The following SYNPO variants were observed in gnomAD, a reference collection of about 807,000 sequenced individuals.
SYNPO encodes the protein synaptopodin.
A neutral mutation model predicts 49.5 loss-of-function variants in SYNPO; 19 were observed. That is an observed-to-expected ratio of 0.38 (90% CI 0.27 to 0.56). The LOEUF is 0.56. Ranked by LOEUF, SYNPO falls within the 20% of genes least tolerant of loss-of-function variation. SYNPO has a pLI of 0.68. For synonymous variants in SYNPO, 536 were observed against 548.0 expected (o/e 0.98, Z 0.31); for missense variants, 1,131 against 1,248.3 (o/e 0.91, Z 1.42).
chr5:150,595,873 C>T, the SYNPO span, among the ~76,000 whole-genome samples: 1 of 151,382 alleles, frequency 6.6e-6, no homozygotes, highest in Non-Finnish European at 1.5e-5. Flanking sequence ...TGGCTGGCCC[C>T]TTCCTGCCTT....
At chr5:150,625,342 T>C (rs1372868300) in intron 2 of SYNPO, among the ~76,000 whole-genome samples, 4 of 152,252 alleles carry the variant, frequency 2.6e-5, no homozygotes, top group South Asian at 2.1e-4. Context: ...CTGCCCAGAA[T>C]TGACCAACAT....
intron 2 of SYNPO, among the ~76,000 whole-genome samples, chr5:150,630,791 T>C (rs1432538631): frequency 6.6e-6 from 1 of 152,208 alleles, no homozygotes; most frequent in Non-Finnish European, 1.5e-5. Context: ...AGCTCAGCTG[T>C]GGACTTTAAG....
intron 2 of SYNPO, among the ~76,000 whole-genome samples, chr5:150,626,116 G>A (rs1469218044): frequency 2.1e-5 from 3 of 144,910 alleles, no homozygotes; most frequent in Non-Finnish European, 2.9e-5. Context: ...GGGGCAAGGG[G>A]TTGGAAGCCT....
At chr5:150,596,538 C>T (rs772180627), upstream of SYNPO, among the ~76,000 whole-genome samples, 4 of 152,106 alleles carry the variant, frequency 2.6e-5, no homozygotes, top group Non-Finnish European at 5.9e-5. Flanking sequence ...AAGTCCACCC[C>T]GCCCTCCACA....
chr5:150,587,530 T>A, the SYNPO span, among the ~76,000 whole-genome samples: 1 of 152,084 alleles, frequency 6.6e-6, no homozygotes, highest in Non-Finnish European at 1.5e-5. Context: ...GATGGATGGA[T>A]GGATGTCTGG....
chr5:150,632,320 A>G (rs898490107), intron 2 of SYNPO, among the ~76,000 whole-genome samples: 6 of 152,160 alleles, frequency 3.9e-5, no homozygotes, highest in Non-Finnish European at 7.3e-5. Context: ...AGTAATTTCC[A>G]TGTACTTTAA....
intron 2 of SYNPO, chr5:150,651,023 T>C: frequency 8.2e-7 from 1 of 1,218,082 alleles, no homozygotes; most frequent in Non-Finnish European, 1.0e-6. Context: ...CCTGGCTCTG[T>C]TTTAGGGAGA....
At chr5:150,651,575 G>T in intron 2 of SYNPO, 4 of 1,003,010 alleles carry the variant, frequency 4.0e-6, no homozygotes, top group Non-Finnish European at 4.8e-6. Flanking sequence ...GCTGCAGGAG[G>T]CCAAGGGATG....
At chr5:150,603,479 C>T (rs928025766) in intron 1 of SYNPO, among the ~76,000 whole-genome samples, 2 of 152,256 alleles carry the variant, frequency 1.3e-5, no homozygotes, top group African/African-American at 4.8e-5. Context: ...GCTAGATTTG[C>T]TGTTGCCGTT....
At chr5:150,591,475 C>G in the SYNPO span, among the ~76,000 whole-genome samples, 1,192 of 152,270 alleles carry the variant, frequency 7.8e-3, 7 homozygotes, top group Non-Finnish European at 0.011. Context: ...AGGAAGGGAC[C>G]CTGGAGTTCA....
At chr5:150,643,545 T>C (rs1464060952) in intron 1 of SYNPO, among the ~76,000 whole-genome samples, 2 of 152,124 alleles carry the variant, frequency 1.3e-5, no homozygotes, top group African/African-American at 2.4e-5. Context: ...CTTTTTGTTG[T>C]TGTTGTTGAG....
At chr5:150,592,368 G>A in the SYNPO span, among the ~76,000 whole-genome samples, 12 of 151,966 alleles carry the variant, frequency 7.9e-5, no homozygotes, top group Non-Finnish European at 1.5e-4. Context: ...GCTGAATCTG[G>A]CAACCCCACC....
At chr5:150,602,114 C>A (rs188684770) in intron 1 of SYNPO, among the ~76,000 whole-genome samples, 5 of 152,266 alleles carry the variant, frequency 3.3e-5, no homozygotes, top group Admixed American at 2.0e-4. Flanking sequence ...AGCCTTGGTG[C>A]GAGGCTGGAG....
chr5:150,637,601 G>A (rs1269755938), upstream of SYNPO, among the ~76,000 whole-genome samples: 1 of 152,224 alleles, frequency 6.6e-6, no homozygotes, highest in African/African-American at 2.4e-5. Context: ...GCAGGGGTTG[G>A]GGGCAGGTTT....
At chr5:150,600,303 T>G (rs1007172219), upstream of SYNPO, among the ~76,000 whole-genome samples, 1 of 152,230 alleles carries the variant, frequency 6.6e-6, no homozygotes, top group Non-Finnish European at 1.5e-5. Flanking sequence ...TGCCCAGAGT[T>G]GGAGGGGATG....
chr5:150,622,635 A>G (rs1342381143), intron 2 of SYNPO, among the ~76,000 whole-genome samples: 1 of 152,150 alleles, frequency 6.6e-6, no homozygotes, highest in Non-Finnish European at 1.5e-5. Flanking sequence ...GCCACTGGAC[A>G]TGTCTGTTTT....
chr5:150,588,615 G>T, the SYNPO span, among the ~76,000 whole-genome samples: 1 of 152,180 alleles, frequency 6.6e-6, no homozygotes, highest in Non-Finnish European at 1.5e-5. Context: ...CTAGGAGAGT[G>T]GGGGAGAAAA....
At chr5:150,630,785 C>CA (rs1257440298) in intron 2 of SYNPO, among the ~76,000 whole-genome samples, 1 of 152,206 alleles carries the variant, frequency 6.6e-6, no homozygotes, top group Non-Finnish European at 1.5e-5. Context: ...GCCTGAAGCT[C>CA]AGCTGTGGAC....
At chr5:150,593,780 A>G in the SYNPO span, among the ~76,000 whole-genome samples, 1 of 152,190 alleles carries the variant, frequency 6.6e-6, no homozygotes, top group African/African-American at 2.4e-5. Flanking sequence ...TTCTAACAAT[A>G]AAAACATTTG....
Sources: allele counts gnomAD v4.1 joint callset (sites outside exome capture counted in the v4.1 genomes callset), GRCh38; gene constraint gnomAD v4.1.1; transcripts MANE v1.5; gene names NCBI Gene and HGNC (gene_info 2026-07-23, HGNC 2026-07-21).